BMPR1A: variants seen among roughly 807,000 people sequenced by gnomAD.
The protein encoded by BMPR1A is bone morphogenetic protein receptor type 1A, also known as bone morphogenetic protein receptor type-1A.
In BMPR1A, 7 loss-of-function variants were observed where a neutral mutation model predicts 66.0. The observed-to-expected ratio is 0.11, with a 90% CI of 0.06 to 0.20. The LOEUF (loss-of-function observed/expected upper bound fraction) is 0.20, where lower values mean the gene tolerates loss of function less well. BMPR1A is among the 10% of genes least tolerant of loss of function. BMPR1A has a pLI of 1.00. For missense variants in BMPR1A, 408 were observed against 669.1 expected (o/e 0.61, Z 4.31); for synonymous variants, 200 against 229.7 (o/e 0.87, Z 1.17).
At chr10:86,875,418 C>T (rs1204114327) in intron 2 of BMPR1A, among the ~76,000 whole-genome samples, 6 of 152,006 alleles carry the variant, frequency 3.9e-5, no homozygotes, top group African/African-American at 7.3e-5. Flanking sequence ...TTTTCTAGGT[C>T]GGCTTCCTCT....
Position 86,790,179 on chromosome 10 carries a change from AAAAAAAAAAATATATATATAT to A in BMPR1A, c.-268+33262_-268+33282del, listed in dbSNP as rs1327272765. On this transcript the variant is annotated intron_variant, in intron 1 of 12. Transcript: ENST00000372037. Reference sequence around the variant, plus strand: ...TCTGTCTCCAAAAAAAAAAAAAAAAAAAAAAAAAAATATATATATATATATATATATATATATATATATATA... The same window carrying A: ...TCTGTCTCCAAAAAAAAAAAAAAAAAATATATATATATATATATATATATA... 5.6e-4 allele frequency among the ~76,000 whole-genome samples: 24 copies of A among 42,980 alleles called. 2 individuals are homozygous for A. Among genetic ancestry groups the A allele is most frequent in the African/African-American group, 3.0e-3 (23 of 7,648 alleles). The allele number at this position is 42,980 out of a possible 152,430, so 28.2% of individuals were successfully genotyped here.
At chr10:86,772,284 C>T (rs1158129945) in intron 1 of BMPR1A, among the ~76,000 whole-genome samples, 1 of 152,018 alleles carries the variant, frequency 6.6e-6, no homozygotes, top group Non-Finnish European at 1.5e-5. Flanking sequence ...GCGTCCTCCA[C>T]CATGCCCGGC....
chr10:86,769,107 A>T (rs1841210519), intron 1 of BMPR1A, among the ~76,000 whole-genome samples: 1 of 152,244 alleles, frequency 6.6e-6, no homozygotes, highest in Non-Finnish European at 1.5e-5. Context: ...CCATGTTAAT[A>T]TTCACATTTG....
At chr10:86,811,078 G>T (rs528626799) in intron 1 of BMPR1A, among the ~76,000 whole-genome samples, 33 of 152,256 alleles carry the variant, frequency 2.2e-4, no homozygotes, top group African/African-American at 6.0e-4. Flanking sequence ...TTGCTCTGTT[G>T]CCCTGGCTGG....
intron 2 of BMPR1A, among the ~76,000 whole-genome samples, chr10:86,858,901 C>A (rs898272268): frequency 1.3e-5 from 2 of 152,084 alleles, no homozygotes; most frequent in African/African-American, 4.8e-5. Context: ...CAGTGACAGT[C>A]TTCATAGAAA....
chr10:86,881,241 C>CA (rs1842981694), intron 3 of BMPR1A, among the ~76,000 whole-genome samples: 3 of 151,572 alleles, frequency 2.0e-5, no homozygotes, highest in South Asian at 2.1e-4. Context: ...GACTCTGTCT[C>CA]AAAAAAAGAA....
chr10:86,869,372 GC>G (rs1193424936), intron 2 of BMPR1A, among the ~76,000 whole-genome samples: 2 of 150,610 alleles, frequency 1.3e-5, no homozygotes, highest in Non-Finnish European at 2.9e-5. Context: ...CAGGAGAATT[GC>G]TTGAACCCAG....
At chr10:86,779,977 C>T (rs868483721) in intron 1 of BMPR1A, among the ~76,000 whole-genome samples, 4 of 152,160 alleles carry the variant, frequency 2.6e-5, no homozygotes, top group Non-Finnish European at 5.9e-5. Context: ...GCGATCCTAA[C>T]TCATTATAAC....
intron 9 of BMPR1A, among the ~76,000 whole-genome samples, chr10:86,917,675 A>G (rs547125717): frequency 1.3e-5 from 2 of 152,314 alleles, no homozygotes; most frequent in Admixed American, 1.3e-4. Context: ...CAACAGCCCA[A>G]CATGCAGTTT....
At chr10:86,825,473 T>TTGTGTG (rs34683915) in intron 1 of BMPR1A, among the ~76,000 whole-genome samples, 5 of 148,762 alleles carry the variant, frequency 3.4e-5, no homozygotes, top group East Asian at 4.0e-4. Context: ...CTTTTTTTGT[T>TTGTGTG]TGTGTGTGTG....
intron 1 of BMPR1A, among the ~76,000 whole-genome samples, chr10:86,760,774 T>C (rs1841040721): frequency 6.6e-6 from 1 of 152,190 alleles, no homozygotes; most frequent in Non-Finnish European, 1.5e-5. Flanking sequence ...TCTTTTCCTT[T>C]TCTACTTTCC....
rs1841859297 is a variant in BMPR1A at position 86,804,550 on chromosome 10, T to TAGAC, written c.-267-34314_-267-34311dup. 2.6e-5 allele frequency among the ~76,000 whole-genome samples: 4 copies of TAGAC among 152,160 alleles called. No individual in the cohort carries two copies. In the South Asian group the frequency reaches 8.3e-4, roughly 32 times the overall value. On this transcript the variant is annotated intron_variant, in intron 1 of 12. Coordinates refer to ENST00000372037, the MANE Select transcript of BMPR1A (RefSeq NM_004329.3). Reference sequence around the variant, plus strand: ...GCCCAGCCACACATGATTTTCTTTATAGACCCTATTTACAAATTTATGGTC... The same window carrying TAGAC: ...GCCCAGCCACACATGATTTTCTTTATAGACAGACCCTATTTACAAATTTATGGTC...
rs778685071 is a variant in BMPR1A, at chr10:86,922,383, C to T, written c.1342+688C>T. ...AAACATGAGGGTGCAGGTATCTCTT[C>T]GGTTAGCTGATTTCCTTTCTTTTGG... On this transcript the variant is annotated intron_variant, in intron 11 of 12. Transcript: ENST00000372037. 3.3e-5 allele frequency among the ~76,000 whole-genome samples: 5 copies of T among 152,118 alleles called. No individual in the cohort carries two copies. In the East Asian group the frequency reaches 5.8e-4, roughly 18 times the overall value.
intron 10 of BMPR1A, among the ~76,000 whole-genome samples, chr10:86,920,163 C>T (rs1843641240): frequency 6.6e-6 from 1 of 152,168 alleles, no homozygotes; most frequent in Non-Finnish European, 1.5e-5. Flanking sequence ...TGTATTTTAA[C>T]CATATATTAT....
chr10:86,928,790 G>A (rs1368380375), downstream of BMPR1A: 1 of 151,832 alleles, frequency 6.6e-6, no homozygotes, highest in Non-Finnish European at 1.5e-5. Flanking sequence ...AAGTAGCCGG[G>A]ATTACAGGTG....
intron 1 of BMPR1A, among the ~76,000 whole-genome samples, chr10:86,834,039 A>G (rs1216981208): frequency 6.6e-6 from 1 of 152,204 alleles, no homozygotes; most frequent in East Asian, 1.9e-4. Context: ...ATTGCATGCA[A>G]AAAGGCTGGG....
chr10:86,837,207 A>G (rs1402990582), intron 1 of BMPR1A, among the ~76,000 whole-genome samples: 1 of 141,498 alleles, frequency 7.1e-6, no homozygotes, highest in Non-Finnish European at 1.5e-5. Flanking sequence ...TACATTGGAA[A>G]TATCTGGCAG....
intron 3 of BMPR1A, among the ~76,000 whole-genome samples, chr10:86,887,545 C>T (rs184044375): frequency 4.6e-5 from 7 of 152,210 alleles, no homozygotes; most frequent in African/African-American, 1.7e-4. Flanking sequence ...TTGAATTAGG[C>T]AGGAATTATT....
intron 3 of BMPR1A, among the ~76,000 whole-genome samples, chr10:86,888,868 G>A (rs1234419176): frequency 6.6e-6 from 1 of 151,310 alleles, no homozygotes; most frequent in Non-Finnish European, 1.5e-5. Flanking sequence ...GAAACTGAAG[G>A]CATGTAATCA....
Sources: allele counts gnomAD v4.1 joint callset (sites outside exome capture counted in the v4.1 genomes callset), GRCh38; gene constraint gnomAD v4.1.1; transcripts MANE v1.5; gene names NCBI Gene and HGNC (gene_info 2026-07-23, HGNC 2026-07-21).